MATN1: variants seen among roughly 807,000 people sequenced by gnomAD.
MATN1 encodes matrilin-1.
Under a neutral mutation model 41.3 loss-of-function variants are expected in MATN1, and 34 were observed. That is an observed-to-expected ratio of 0.82 (90% CI 0.63 to 1.10). The LOEUF (loss-of-function observed/expected upper bound fraction) is 1.10, where lower values mean the gene tolerates loss of function less well. MATN1 is among the 50% of genes least tolerant of loss of function. The pLI is 0.00. For missense variants in MATN1, 602 were observed against 662.4 expected (o/e 0.91, Z 1.00); for synonymous variants, 264 against 278.7 (o/e 0.95, Z 0.53).
At chr1:30,718,621 C>CCCCCCCCCCCCCCG in intron 3 of MATN1, 114 bp downstream of exon 3, 1 of 387,506 alleles carries the variant, frequency 2.6e-6, no homozygotes. Flanking sequence ...TGCCCTGCGC[C>CCCCCCCCCCCCCCG]GGCGCTGGCT....
rs751915676 is a variant in MATN1, at chr1:30,717,642, G to GTTTTTTTTTTTTTTTTTTTTTTTTTT, written c.665-728_665-727insAAAAAAAAAAAAAAAAAAAAAAAAAA. Among the ~76,000 whole-genome samples the GTTTTTTTTTTTTTTTTTTTTTTTTTT allele has an allele frequency of 1.8e-5, 2 of 109,992 alleles. 1 individual carries two copies. The allele number at this position is 109,992 out of a possible 152,430, so 72.2% of individuals were successfully genotyped here. Reference sequence around the variant, plus strand: ...GGCTCTGTTGTTTTTTGTGTGTGCGGTTTTTTTTTTTGTTTTGTTTTTTTT... The same window carrying GTTTTTTTTTTTTTTTTTTTTTTTTTT: ...GGCTCTGTTGTTTTTTGTGTGTGCGGTTTTTTTTTTTTTTTTTTTTTTTTTTTTTTTTTTTTTGTTTTGTTTTTTTT... On this transcript the variant is annotated intron_variant, in intron 3 of 7. Transcript: ENST00000373765.
In MATN1 at chr1:30,716,066, C is replaced by T; in HGVS notation, c.1050G>A (p.Lys350=). 3.1e-6 allele frequency: 5 copies of T among 1,614,226 alleles called. No homozygotes were observed. Among genetic ancestry groups the T allele is most frequent in the South Asian group, 1.1e-5 (1 of 91,082 alleles). The change falls in exon 5 of 8, where the codon AAG becomes AAA. Residue 350 remains lysine (K), a synonymous_variant. Transcript: ENST00000373765. ...AAVRNMSYME[K]GTMTGAALKY... ...TGAGAGCAGCCCCAGTCATTGTGCC[C>T]TTCTCCATGTAGGACATATTCCGCA... is the stretch of plus-strand genomic sequence containing the variant.
chr1:30,716,036 G>T lies in MATN1; in HGVS notation c.1080C>A (p.Tyr360Ter), dbSNP rs1639614420. ...KGTMTGAALKYLIDNSFTVSS... is the reference protein window; with the variant it reads ...KGTMTGAALK The stretch of plus-strand genomic sequence containing the variant: ...ACACAGTGAAGGAATTGTCAATGAG[G>T]TACTTGAGAGCAGCCCCAGTCATTG... The change falls in exon 5 of 8, where the codon TAC becomes TAA. Residue 360 changes from tyrosine (Y) to a stop codon, truncating the protein, a stop_gained. Coordinates refer to ENST00000373765, the MANE Select transcript of MATN1 (RefSeq NM_002379.3). LOFTEE classifies it high-confidence loss of function. The T allele has an allele frequency of 5.0e-6, 8 of 1,614,256 alleles. No individual in the cohort carries two copies. Among genetic ancestry groups the T allele is most frequent in the Non-Finnish European group, 5.1e-6 (6 of 1,180,048 alleles).
In MATN1 at chr1:30,721,735, C is replaced by T. The variant is rs762592994; in HGVS notation, c.111G>A (p.Thr37=). 1.4e-5 allele frequency: 23 copies of T among 1,609,500 alleles called. No homozygotes were observed. The Admixed American group carries it at 3.2e-4, about 22-fold the overall frequency. Residue 37 remains threonine (T), a synonymous_variant, in exon 2 of 8, where the codon ACG becomes ACA. Coordinates refer to ENST00000373765, the MANE Select transcript of MATN1 (RefSeq NM_002379.3). ...APQSRGHLCR[T]RPTDLVFVVD... is the part of the protein sequence containing the mutation. The stretch of plus-strand genomic sequence containing the variant: ...CAACAAACACCAGGTCTGTGGGCCG[C>T]GTCCGGCAGAGATGGCCTGGGAGTG...
intron 4 of MATN1, 81 bp downstream of exon 4, chr1:30,716,709 G>A (rs954831335): frequency 3.1e-5 from 48 of 1,557,956 alleles, no homozygotes; most frequent in Middle Eastern, 1.7e-4. Flanking sequence ...GTGCAGGGAG[G>A]CTTGAATGGG....
At position 30,715,165 on chromosome 1, in the gene MATN1, A is replaced by G. The variant is rs1442710417; in HGVS notation, c.1352T>C (p.Ile451Thr). ...NQIGKKLQKKICVEEDPCACE... is the reference protein window; with the variant it reads ...NQIGKKLQKKTCVEEDPCACE... The stretch of plus-strand genomic sequence containing the variant: ...GCCCTGGCCTCACTCACCCACACAG[A>G]TCTTCTTCTGCAACTTCTTGCCTAT... The change falls in exon 6 of 8, where the codon ATC becomes ACC. Residue 451 changes from isoleucine to threonine, a missense_variant. Physicochemically the swap from Ile to Thr is moderately conservative, Grantham distance 89. Coordinates refer to ENST00000373765, the MANE Select transcript of MATN1 (RefSeq NM_002379.3). The G allele has an allele frequency of 6.2e-7, 1 of 1,613,960 alleles. No homozygotes were observed. The highest frequency in any genetic ancestry group is 8.5e-7 in the Non-Finnish European group (1 of 1,179,998).
intron 4 of MATN1, 25 bp downstream of exon 4, chr1:30,716,765 G>A (rs1200655063): frequency 6.2e-7 from 1 of 1,611,564 alleles, no homozygotes; most frequent in Non-Finnish European, 8.5e-7. Flanking sequence ...CCTCTCCAGG[G>A]CGAGCCTGTG....
chr1:30,715,363 G>A (rs1294326263), intron 5 of MATN1, 54 bp from the exon 6 acceptor site: 1 of 1,590,036 alleles, frequency 6.3e-7, no homozygotes, highest in African/African-American at 1.3e-5. Flanking sequence ...GCAACCATAT[G>A]GCTGAGCCTC....
In MATN1 at chr1:30,721,147, A is replaced by G. The variant is rs185074743; in HGVS notation, c.441+258T>C. 1.6e-3 allele frequency: 819 copies of G among 504,352 alleles called. 21 individuals are homozygous for G. The Admixed American group carries it at 0.025, about 15-fold the overall frequency. 31.2% of individuals were successfully genotyped at this position (504,352 alleles called of 1,614,324 possible). ...CTTCAAGGGGCTCAGACTGGTCGGG[A>G]ACCAAGGTCAACTAAACTGAAATGA... On this transcript the variant is annotated intron_variant, in intron 2 of 7. Coordinates refer to ENST00000373765, the MANE Select transcript of MATN1 (RefSeq NM_002379.3).
chr1:30,714,238 A>G lies in MATN1; in HGVS notation c.1441+9T>C. 2.1e-6 allele frequency: 3 copies of G among 1,413,862 alleles called. No homozygotes were observed. The highest frequency in any genetic ancestry group is 2.9e-6 in the Non-Finnish European group (3 of 1,029,220). 87.6% of individuals were successfully genotyped at this position (1,413,862 alleles called of 1,614,324 possible). On this transcript the variant is annotated intron_variant, in intron 7 of 7. Transcript: ENST00000373765. ...CTCCCCAGCCCCAGCCCCCTCTGGG[A>G]AGGGATATGTTTCCTGGTCAGGGCC...
chr1:30,713,869 C>T, intron 7 of MATN1: 1 of 593,670 alleles, frequency 1.7e-6, no homozygotes, highest in Non-Finnish European at 3.0e-6. Context: ...CCCACCTAGT[C>T]CTGGCTGAGC....
In MATN1 at chr1:30,714,328, C is replaced by T; in HGVS notation, c.1361-1G>A. On this transcript the variant is annotated splice_acceptor_variant, in intron 6 of 7. Coordinates refer to ENST00000373765, the MANE Select transcript of MATN1 (RefSeq NM_002379.3). LOFTEE classifies it high-confidence loss of function. ...GACTCGCAGGCACACGGGTCTTCCT[C>T]TGCAGGGGACAAGGAGGAGGGAAAG... The T allele has an allele frequency of 2.5e-6, 4 of 1,608,604 alleles. No homozygotes were observed. Among genetic ancestry groups the T allele is most frequent in the Non-Finnish European group, 3.4e-6 (4 of 1,177,412 alleles).
chr1:30,715,185 G>T lies in MATN1; in HGVS notation c.1332C>A (p.Gly444=). 6.2e-7 allele frequency: 1 copy of T among 1,614,180 alleles called. No homozygotes were observed. Among genetic ancestry groups the T allele is most frequent in the Non-Finnish European group, 8.5e-7 (1 of 1,180,038 alleles). Residue 444 remains glycine (G), a synonymous_variant, in exon 6 of 8, where the codon GGC becomes GGA. Transcript: ENST00000373765. ...CACAGATCTTCTTCTGCAACTTCTT[G>T]CCTATCTGGTTGATGGTCTTGAAGT... ...TADFKTINQI[G]KKLQKKICVE...
rs187013907 is a variant in MATN1 at position 30,716,349 on chromosome 1, G to T, written c.791-24C>A. 2.9e-4 allele frequency: 468 copies of T among 1,604,018 alleles called. 2 individuals are homozygous for T. In the African/African-American group the frequency reaches 5.6e-3, roughly 19 times the overall value. ...GACTGTGGAGGACAGGAAGGCAACG[G>T]GCTGAAGCTGAAGGACATAGTCAAC... On this transcript the variant is annotated intron_variant, in intron 4 of 7. Coordinates refer to ENST00000373765, the MANE Select transcript of MATN1 (RefSeq NM_002379.3).
chr1:30,716,669 G>T (rs1639621995), intron 4 of MATN1, 121 bp downstream of exon 4: 1 of 1,373,428 alleles, frequency 7.3e-7, no homozygotes, highest in Non-Finnish European at 9.7e-7. Flanking sequence ...AAAGGCATCT[G>T]TCTGCTTTGA....
In MATN1 at chr1:30,711,884, T is replaced by C. The variant is rs985351768; in HGVS notation, c.*1698A>G. 1 of 152,344 alleles carries C rather than the reference T, an allele frequency of 6.6e-6. No homozygotes were observed. The highest frequency in any genetic ancestry group is 1.9e-4 in the East Asian group (1 of 5,196). 9.4% of individuals were successfully genotyped at this position (152,344 alleles called of 1,614,324 possible). ...CAGGTGGCTGTGTCAAGGAGCCTCC[T>C]TGGACAGCAGAAAAACTCCTGCCCC... is the stretch of plus-strand genomic sequence containing the variant. On this transcript the variant is annotated 3_prime_UTR_variant, in exon 8 of 8. Transcript: ENST00000373765.
intron 3 of MATN1, 146 bp downstream of exon 3, chr1:30,718,589 G>T: frequency 5.5e-6 from 1 of 182,848 alleles, no homozygotes; most frequent in Non-Finnish European, 8.5e-6. Context: ...CTCCGCCTCT[G>T]CCCCCCCCCC....
intron 3 of MATN1, 139 bp from the exon 4 acceptor site, chr1:30,717,054 G>T: frequency 2.1e-6 from 2 of 944,286 alleles, no homozygotes; most frequent in Non-Finnish European, 3.0e-6. Flanking sequence ...TGGGGCCCAG[G>T]CCCCCGACTC....
chr1:30,713,722 A>T, intron 7 of MATN1, 91 bp from the exon 8 acceptor site: 2 of 951,220 alleles, frequency 2.1e-6, no homozygotes, highest in South Asian at 2.8e-5. Flanking sequence ...ACACCCCACT[A>T]CAGCGTGCAT....
Sources: allele counts gnomAD v4.1 joint callset (sites outside exome capture counted in the v4.1 genomes callset), GRCh38; gene constraint gnomAD v4.1.1; transcripts MANE v1.5; gene names NCBI Gene and HGNC (gene_info 2026-07-23, HGNC 2026-07-21).